The following NINL variants were observed in gnomAD, a reference collection of about 807,000 sequenced individuals.
The protein encoded by NINL is ninein like, also known as ninein-like protein.
A neutral mutation model predicts 160.3 loss-of-function variants in NINL; 153 were observed. That is an observed-to-expected ratio of 0.95 (90% CI 0.84 to 1.09). NINL has a LOEUF of 1.09. Ranked by LOEUF, NINL falls within the 50% of genes least tolerant of loss-of-function variation. The probability of loss-of-function intolerance (pLI) is 0.00; values close to 1 mark genes in which losing one functional copy is unlikely to be tolerated. For synonymous variants in NINL, 800 were observed against 734.8 expected (o/e 1.09, Z -1.43); for missense variants, 1,829 against 1,764.0 (o/e 1.04, Z -0.66).
intron 1 of NINL, among the ~76,000 whole-genome samples, chr20:25,578,561 A>G (rs1030577800): frequency 1.3e-5 from 2 of 152,032 alleles, no homozygotes; most frequent in Admixed American, 6.6e-5. Flanking sequence ...TGGGAGGCTG[A>G]GGCAGGTGGA....
intron 1 of NINL, among the ~76,000 whole-genome samples, chr20:25,537,781 C>T (rs563468883): frequency 1.2e-4 from 19 of 152,242 alleles, no homozygotes; most frequent in African/African-American, 4.1e-4. Context: ...TTGTGGGGGG[C>T]GCAGCTGCCT....
chr20:25,582,852 G>A (rs554812922), intron 1 of NINL, among the ~76,000 whole-genome samples: 58 of 151,844 alleles, frequency 3.8e-4, no homozygotes, highest in Admixed American at 1.1e-3. Context: ...TCTGATCTTC[G>A]ACAAACCTGA....
chr20:25,453,184 G>T lies in NINL; in HGVS notation c.*267C>A, dbSNP rs779304241. ...TGACAGCTCCCAGGATCTGGCTCCA[G>T]AGAGTGGCAAAACTGGGAATTTTGC... On this transcript the variant is annotated 3_prime_UTR_variant, in exon 24 of 24. Coordinates refer to ENST00000278886, the MANE Select transcript of NINL (RefSeq NM_025176.6). 2.0e-4 allele frequency: 69 copies of T among 338,768 alleles called. No homozygotes were observed. Among genetic ancestry groups the T allele is most frequent in the Non-Finnish European group, 3.3e-4 (61 of 187,654 alleles). 21.0% of individuals were successfully genotyped at this position (338,768 alleles called of 1,614,324 possible).
At chr20:25,543,045 A>AAG (rs1282897060) in intron 1 of NINL, among the ~76,000 whole-genome samples, 1 of 151,484 alleles carries the variant, frequency 6.6e-6, no homozygotes, top group Admixed American at 6.6e-5. Context: ...GTCTTCAAAA[A>AAG]AAAAAAAAAG....
chr20:25,480,084 G>A, intron 15 of NINL, 77 bp downstream of exon 15: 1 of 1,019,056 alleles, frequency 9.8e-7, no homozygotes. Flanking sequence ...ATGTGGAAAT[G>A]TCAGCGTGCC....
At position 25,476,077 on chromosome 20, in the gene NINL, G is replaced by A; in HGVS notation, c.3214C>T (p.Leu1072=). Reference sequence around the variant, plus strand: ...TCTCTCAAATCTACATGTTTCTCCAGAGCCCGGACGACGTCTTCCAGATGT... The same window carrying A: ...TCTCTCAAATCTACATGTTTCTCCAAAGCCCGGACGACGTCTTCCAGATGT... ...LLHLEDVVRA[L]EKHVDLREND... Residue 1072 remains leucine, a synonymous_variant, in exon 17 of 24, where the codon CTG becomes TTG. Transcript: ENST00000278886. 6.2e-7 allele frequency: 1 copy of A among 1,613,862 alleles called. No individual in the cohort carries two copies. The highest frequency in any genetic ancestry group is 1.1e-5 in the South Asian group (1 of 91,052).
chr20:25,482,983 C>T (rs976623369), intron 13 of NINL, among the ~76,000 whole-genome samples: 1 of 149,920 alleles, frequency 6.7e-6, no homozygotes, highest in East Asian at 2.0e-4. Context: ...AAGATCATGC[C>T]ATTCATTGCA....
chr20:25,573,652 G>A (rs1360258711), intron 1 of NINL, among the ~76,000 whole-genome samples: 2 of 152,220 alleles, frequency 1.3e-5, no homozygotes, highest in African/African-American at 4.8e-5. Flanking sequence ...AATCTGAGGA[G>A]CCCATTGATG....
intron 16 of NINL, 106 bp downstream of exon 16, chr20:25,478,817 C>A (rs2063322637): frequency 7.4e-7 from 1 of 1,349,628 alleles, no homozygotes; most frequent in Non-Finnish European, 1.0e-6. Flanking sequence ...GAAAACCACC[C>A]AGTCGGGAGG....
intron 10 of NINL, among the ~76,000 whole-genome samples, chr20:25,492,202 A>G (rs1406115685): frequency 6.6e-6 from 1 of 152,154 alleles, no homozygotes; most frequent in Non-Finnish European, 1.5e-5. Flanking sequence ...CGGGCTTTTA[A>G]TCTTGGCTTA....
chr20:25,566,220 G>A (rs903457814), intron 1 of NINL, among the ~76,000 whole-genome samples: 1 of 152,108 alleles, frequency 6.6e-6, no homozygotes, highest in African/African-American at 2.4e-5. Context: ...TCCAAAAATA[G>A]TTGGGAAACA....
chr20:25,533,190 G>C (rs1450858901), intron 1 of NINL, among the ~76,000 whole-genome samples: 2 of 152,168 alleles, frequency 1.3e-5, no homozygotes, highest in African/African-American at 2.4e-5. Flanking sequence ...ATGGGGCTTA[G>C]AATTCCAATG....
At chr20:25,513,412 T>C (rs1041719574) in intron 3 of NINL, among the ~76,000 whole-genome samples, 1 of 152,066 alleles carries the variant, frequency 6.6e-6, no homozygotes, top group Non-Finnish European at 1.5e-5. Flanking sequence ...ACGCTAAATG[T>C]CAAGTGACAT....
At chr20:25,474,384 C>A (rs754176679) in intron 17 of NINL, among the ~76,000 whole-genome samples, 1 of 152,176 alleles carries the variant, frequency 6.6e-6, no homozygotes, top group Non-Finnish European at 1.5e-5. Context: ...CCACCAAGTC[C>A]GTGGAAATGC....
At chr20:25,547,338 A>G (rs1267890682) in intron 1 of NINL, among the ~76,000 whole-genome samples, 1 of 152,168 alleles carries the variant, frequency 6.6e-6, no homozygotes, top group Non-Finnish European at 1.5e-5. Context: ...TCACAGCTTC[A>G]TAATAAACCG....
intron 5 of NINL, 96 bp from the exon 6 acceptor site, chr20:25,505,174 C>T (rs2063939160): frequency 6.9e-6 from 8 of 1,167,588 alleles, no homozygotes; most frequent in African/African-American, 1.6e-5. Flanking sequence ...TTTCCAACAG[C>T]GTGAATGAAT....
At chr20:25,464,305 T>C (rs1349921128) in intron 19 of NINL, among the ~76,000 whole-genome samples, 1 of 152,116 alleles carries the variant, frequency 6.6e-6, no homozygotes, top group Non-Finnish European at 1.5e-5. Flanking sequence ...TAGTCCCAGC[T>C]ACTTGGGAGG....
chr20:25,551,440 G>T (rs879656131), intron 1 of NINL, among the ~76,000 whole-genome samples: 1 of 152,112 alleles, frequency 6.6e-6, no homozygotes, highest in Non-Finnish European at 1.5e-5. Flanking sequence ...CCTAACAGAT[G>T]TAGAAAAAAG....
At chr20:25,526,687 T>A (rs78917370) in intron 1 of NINL, 89 bp from the exon 2 acceptor site, 6 of 1,364,174 alleles carry the variant, frequency 4.4e-6, no homozygotes, top group East Asian at 2.3e-5. Context: ...CCGAGCTACA[T>A]GGTCCAAGCA....
Sources: gnomAD v4.1 joint callset for allele counts (sites outside exome capture counted in the v4.1 genomes callset) on GRCh38, gnomAD v4.1.1 for gene constraint, MANE v1.5 for transcripts, NCBI Gene and HGNC (gene_info 2026-07-23, HGNC 2026-07-21) for gene names.